TACR3: variants seen among roughly 807,000 people sequenced by gnomAD.
The protein encoded by TACR3 is tachykinin receptor 3.
In TACR3, 34 loss-of-function variants were observed where a neutral mutation model predicts 35.0. That is an observed-to-expected ratio of 0.97 (90% CI 0.74 to 1.30). The LOEUF is 1.30. Ranked by LOEUF, TACR3 falls within the 50% of genes most tolerant of loss-of-function variation. The pLI is 0.00. For synonymous variants in TACR3, 233 were observed against 221.1 expected, an observed-to-expected ratio of 1.05 and a Z score of -0.48; for missense variants, 558 against 591.7, an observed-to-expected ratio of 0.94 and a Z score of 0.59.
chr4:103,658,097 C>A (rs1170798874), intron 2 of TACR3, 118 bp downstream of exon 2: 1 of 1,017,268 alleles, frequency 9.8e-7, no homozygotes, highest in African/African-American at 1.6e-5. Flanking sequence ...ATTTCCTTTT[C>A]CAAATAATGT....
At position 103,719,963 on chromosome 4, in the gene TACR3, T is replaced by C; in HGVS notation, c.-288A>G. On this transcript the variant is annotated 5_prime_UTR_variant, in exon 1 of 5. Coordinates refer to ENST00000304883, the MANE Select transcript of TACR3 (RefSeq NM_001059.3). ...CATCACACGTAGGGAGGGTGCCAGC[T>C]GCCCGGCACAGGCTGGAGAACTGAG... 1.9e-6 allele frequency: 1 copy of C among 535,844 alleles called. No homozygotes were observed. The highest frequency in any genetic ancestry group is 3.1e-5 in the East Asian group (1 of 32,542). The allele number at this position is 535,844 out of a possible 1,614,324, so 33.2% of individuals were successfully genotyped here. A position where few individuals can be genotyped will look rare whatever the true frequency, so the allele number is the denominator to read the frequency against.
At chr4:103,629,675 T>C (rs1724997820) in intron 3 of TACR3, among the ~76,000 whole-genome samples, 1 of 151,944 alleles carries the variant, frequency 6.6e-6, no homozygotes, top group African/African-American at 2.4e-5. Flanking sequence ...TCCATGCTCA[T>C]GGGTAGGAAG....
At chr4:103,671,398 G>T (rs1347859083) in intron 1 of TACR3, among the ~76,000 whole-genome samples, 1 of 151,930 alleles carries the variant, frequency 6.6e-6, no homozygotes, top group Admixed American at 6.6e-5. Flanking sequence ...GTAGAATTAA[G>T]CATTGAAACC....
At chr4:103,683,494 A>G (rs28699302) in intron 1 of TACR3, among the ~76,000 whole-genome samples, 1,441 of 131,886 alleles carry the variant, frequency 0.011, 25 homozygotes, top group African/African-American at 0.048. Context: ...AAAAAAAAAA[A>G]AGAGAGAGAG....
intron 3 of TACR3, among the ~76,000 whole-genome samples, chr4:103,603,103 C>T (rs947325651): frequency 6.6e-6 from 1 of 152,220 alleles, no homozygotes; most frequent in East Asian, 1.9e-4. Flanking sequence ...TGGCAGGTGC[C>T]CCTCCCCCAG....
chr4:103,621,189 A>C (rs545176823), intron 3 of TACR3, among the ~76,000 whole-genome samples: 2 of 152,344 alleles, frequency 1.3e-5, no homozygotes, highest in African/African-American at 4.8e-5. Context: ...CTGTGATGAG[A>C]GCAATTGAAA....
intron 3 of TACR3, among the ~76,000 whole-genome samples, chr4:103,636,700 TA>T (rs1725200581): frequency 6.6e-6 from 1 of 151,330 alleles, no homozygotes; most frequent in East Asian, 1.9e-4. Context: ...GCAAGACTAA[TA>T]AAGAAGAAAA....
chr4:103,679,415 A>G (rs3796954), intron 1 of TACR3, among the ~76,000 whole-genome samples: 37,170 of 151,826 alleles, frequency 0.24, 7,063 homozygotes, highest in African/African-American at 0.52. Context: ...TTCTGAGGGG[A>G]TCATCATATC....
At chr4:103,603,685 C>A (rs1201159754) in intron 3 of TACR3, among the ~76,000 whole-genome samples, 2 of 152,124 alleles carry the variant, frequency 1.3e-5, no homozygotes, top group Non-Finnish European at 2.9e-5. Context: ...TGGGTATATA[C>A]CCAGTAATGG....
At position 103,719,470 on chromosome 4, in the gene TACR3, TG is replaced by T; in HGVS notation, c.205del (p.Gln69SerfsTer48). 3.7e-6 allele frequency: 6 copies of T among 1,613,502 alleles called. No individual in the cohort carries two copies. Among genetic ancestry groups the T allele is most frequent in the Non-Finnish European group, 4.2e-6 (5 of 1,179,490 alleles). Reference protein sequence around the residue: ...GLPVASPAPSQPWANLTNQFV... With the variant: ...GLPVASPAPSXPWANLTNQFV... Reference sequence around the variant, plus strand: ...CTGGTTGGTGAGGTTGGCCCAGGGCTGGGAGGGCGCGGGGGAAGCCACAGGC... The same window carrying T: ...CTGGTTGGTGAGGTTGGCCCAGGGCTGGAGGGCGCGGGGGAAGCCACAGGC... On this transcript the variant is annotated frameshift_variant, in exon 1 of 5. Transcript: ENST00000304883. LOFTEE classifies it high-confidence loss of function.
Position 103,646,335 on chromosome 4 carries a change from A to C in TACR3, c.888+9859T>G, listed in dbSNP as rs180930482. 5.3e-3 allele frequency among the ~76,000 whole-genome samples: 806 copies of C among 152,180 alleles called. 7 individuals carry two copies. Among genetic ancestry groups the C allele is most frequent in the South Asian group, 0.026 (127 of 4,824 alleles). On this transcript the variant is annotated intron_variant, in intron 3 of 4. Coordinates refer to ENST00000304883, the MANE Select transcript of TACR3 (RefSeq NM_001059.3). ...CAAACTTTGTCTATTCCACTTCCAC[A>C]GTAGGAATTTTTAATAAATAATCTT...
intron 3 of TACR3, among the ~76,000 whole-genome samples, chr4:103,592,462 G>A (rs1422730013): frequency 6.6e-6 from 1 of 152,024 alleles, no homozygotes; most frequent in African/African-American, 2.4e-5. Flanking sequence ...TCTTCCACTA[G>A]GCCTAAAATT....
chr4:103,614,454 A>G (rs1015842489), intron 3 of TACR3, among the ~76,000 whole-genome samples: 1 of 152,186 alleles, frequency 6.6e-6, no homozygotes, highest in South Asian at 2.1e-4. Flanking sequence ...ATGAATCATT[A>G]AATGGTTGAG....
chr4:103,673,226 T>C (rs1726090286), intron 1 of TACR3, among the ~76,000 whole-genome samples: 1 of 152,152 alleles, frequency 6.6e-6, no homozygotes, highest in African/African-American at 2.4e-5. Context: ...TAACTCTTAC[T>C]TTCCATTCAG....
intron 1 of TACR3, among the ~76,000 whole-genome samples, chr4:103,709,590 T>C (rs1380025316): frequency 6.6e-6 from 1 of 152,150 alleles, no homozygotes. Flanking sequence ...AGGAAGAAAC[T>C]GCATCAACTA....
intron 1 of TACR3, among the ~76,000 whole-genome samples, chr4:103,697,455 CCTT>C (rs143042827): frequency 7.0e-4 from 106 of 151,190 alleles, no homozygotes; most frequent in African/African-American, 2.5e-3. Flanking sequence ...GACGGAGTCT[CCTT>C]CTGTTGCCCA....
intron 3 of TACR3, among the ~76,000 whole-genome samples, chr4:103,647,434 A>G (rs1306658993): frequency 2.0e-5 from 3 of 151,916 alleles, no homozygotes; most frequent in African/African-American, 7.2e-5. Flanking sequence ...CAAACAGGAT[A>G]ATGTTAAGAA....
rs150979552 is a variant in TACR3 at position 103,717,658 on chromosome 4, CT to C, written c.548+1469del. 4.7e-3 allele frequency among the ~76,000 whole-genome samples: 708 copies of C among 152,158 alleles called. 7 individuals are homozygous for C. Among genetic ancestry groups the C allele is most frequent in the African/African-American group, 0.016 (657 of 41,532 alleles). On this transcript the variant is annotated intron_variant, in intron 1 of 4. Transcript: ENST00000304883. The stretch of plus-strand genomic sequence containing the variant: ...ACATTATATGCTAATACCTCTCCCC[CT>C]AATCAAAACATCAAAAAACATATAC...
chr4:103,670,569 G>A (rs1296147747), intron 1 of TACR3, among the ~76,000 whole-genome samples: 1 of 151,804 alleles, frequency 6.6e-6, no homozygotes, highest in Non-Finnish European at 1.5e-5. Flanking sequence ...TATTTTATTT[G>A]TTGCTATTAT....
Sources: gnomAD v4.1 joint callset for allele counts (sites outside exome capture counted in the v4.1 genomes callset) on GRCh38, gnomAD v4.1.1 for gene constraint, MANE v1.5 for transcripts, NCBI Gene and HGNC (gene_info 2026-07-23, HGNC 2026-07-21) for gene names.